Variants in FAR2 observed in about 807,000 individuals in gnomAD.
The protein encoded by FAR2 is epididymis secretory protein Li 81.
A neutral mutation model predicts 56.0 loss-of-function variants in FAR2; 19 were observed. The observed-to-expected ratio is 0.34, with a 90% confidence interval of 0.24 to 0.50. The LOEUF (loss-of-function observed/expected upper bound fraction) is 0.50, where lower values mean the gene tolerates loss of function less well. Ranked by LOEUF, FAR2 falls within the 20% of genes least tolerant of loss-of-function variation. The probability of loss-of-function intolerance (pLI) is 0.98; values close to 1 mark genes in which losing one functional copy is unlikely to be tolerated. For missense variants in FAR2, 508 were observed against 642.2 expected (o/e 0.79, Z 2.26); for synonymous variants, 219 against 218.8 (o/e 1.00, Z -0.01).
chr12:29,199,599 C>CAAAAAAAA, intron 1 of FAR2, among the ~76,000 whole-genome samples: 1 of 106,256 alleles, frequency 9.4e-6, no homozygotes, highest in African/African-American at 3.6e-5. Context: ...GACCCCGTCT[C>CAAAAAAAA]AAAAAAAAAA....
rs530308429 is a variant in FAR2 at position 29,312,043 on chromosome 12, G to A, written c.955+93G>A. On this transcript the variant is annotated intron_variant, in intron 8 of 11. Coordinates refer to ENST00000536681, the MANE Select transcript of FAR2 (RefSeq NM_001271783.2). ...TGTCATGGAGCTTAGAGCTTATATG[G>A]GGAGAAAGACAAAAAGTAAGTAAAG... The A allele has an allele frequency of 5.9e-5, 50 of 851,778 alleles. No individual in the cohort carries two copies. In the African/African-American group the frequency reaches 8.2e-4, roughly 14 times the overall value. The allele number at this position is 851,778 out of a possible 1,614,324, so 52.8% of individuals were successfully genotyped here.
chr12:29,323,291 C>T (rs1002764075), intron 10 of FAR2, among the ~76,000 whole-genome samples: 5 of 152,332 alleles, frequency 3.3e-5, no homozygotes, highest in East Asian at 3.9e-4. Context: ...CAAGGAGGCC[C>T]GCCTGCCTCT....
At chr12:29,261,058 T>C (rs1948409866) in intron 1 of FAR2, among the ~76,000 whole-genome samples, 1 of 152,188 alleles carries the variant, frequency 6.6e-6, no homozygotes, top group Non-Finnish European at 1.5e-5. Flanking sequence ...AAACTGCAAC[T>C]ATTACAATAA....
At chr12:29,159,821 G>C (rs2136576631) in intron 1 of FAR2, among the ~76,000 whole-genome samples, 1 of 152,288 alleles carries the variant, frequency 6.6e-6, no homozygotes, top group South Asian at 2.1e-4. Flanking sequence ...TCCTTGTGGG[G>C]AAAGTGAGAG....
chr12:29,327,831 G>T (rs904548502), intron 10 of FAR2, among the ~76,000 whole-genome samples: 1 of 152,096 alleles, frequency 6.6e-6, no homozygotes, highest in Non-Finnish European at 1.5e-5. Flanking sequence ...TACCATTCAG[G>T]ACACAGGCAT....
chr12:29,268,380 A>G (rs145669473), intron 1 of FAR2, among the ~76,000 whole-genome samples: 179 of 152,332 alleles, frequency 1.2e-3, no homozygotes, highest in African/African-American at 4.2e-3. Flanking sequence ...CCAATCAATT[A>G]TCTCCAACCA....
chr12:29,329,961 T>A (rs1949706506), intron 10 of FAR2, among the ~76,000 whole-genome samples: 1 of 152,032 alleles, frequency 6.6e-6, no homozygotes, highest in East Asian at 1.9e-4. Flanking sequence ...AGCTTTCTGG[T>A]AGTAAAGTGA....
chr12:29,266,566 G>A (rs1210745497), intron 1 of FAR2, among the ~76,000 whole-genome samples: 2 of 151,952 alleles, frequency 1.3e-5, no homozygotes, highest in Non-Finnish European at 2.9e-5. Context: ...AGAATGAATA[G>A]GATCTAGTAT....
intron 9 of FAR2, among the ~76,000 whole-genome samples, chr12:29,318,256 ACT>A (rs1949489017): frequency 6.6e-6 from 1 of 152,226 alleles, no homozygotes; most frequent in Admixed American, 6.5e-5. Context: ...GGAGCTCATA[ACT>A]CAGTTCTTGA....
chr12:29,271,663 C>A (rs1208228331), intron 2 of FAR2, among the ~76,000 whole-genome samples: 4 of 152,190 alleles, frequency 2.6e-5, no homozygotes, highest in Non-Finnish European at 5.9e-5. Flanking sequence ...GATTTTGTTA[C>A]AAACCATCAT....
At position 29,181,500 on chromosome 12, in the gene FAR2, C is replaced by T. The variant is rs559793776; in HGVS notation, c.-39+32093C>T. On this transcript the variant is annotated intron_variant, in intron 1 of 11. Transcript: ENST00000536681. ...GGTCAGCTTGTGTTTTCACTGCTTC[C>T]GGAAACTTTCAGTGCCTCTCCTCCA... 4.6e-5 allele frequency among the ~76,000 whole-genome samples: 7 copies of T among 152,308 alleles called. No homozygotes were observed. In the South Asian group the frequency reaches 6.2e-4, roughly 14 times the overall value.
At chr12:29,190,574 C>T (rs1346604199) in intron 1 of FAR2, among the ~76,000 whole-genome samples, 1 of 152,148 alleles carries the variant, frequency 6.6e-6, no homozygotes, top group African/African-American at 2.4e-5. Flanking sequence ...GAGGGATTCT[C>T]CTGCCTCAGC....
intron 11 of FAR2, 83 bp from the exon 12 acceptor site, chr12:29,333,549 C>T (rs903494848): frequency 3.5e-5 from 45 of 1,299,676 alleles, no homozygotes; most frequent in Non-Finnish European, 4.2e-5. Flanking sequence ...CCAGTCATAT[C>T]CAGGAAAACA....
chr12:29,173,048 A>G lies in FAR2; in HGVS notation c.-39+23641A>G, dbSNP rs1442990491. On this transcript the variant is annotated intron_variant, in intron 1 of 11. Transcript: ENST00000536681. ...CAGCTAAAGCTGCATTCTTTTAACT[A>G]AAGGCCAGGTTTTGATCTAACAGTA... is the stretch of plus-strand genomic sequence containing the variant. Among the ~76,000 whole-genome samples, 78 of 152,276 alleles carry G rather than the reference A, an allele frequency of 5.1e-4. 1 individual carries two copies. The highest frequency in any genetic ancestry group is 4.4e-5 in the Non-Finnish European group (3 of 68,004).
At chr12:29,283,980 A>C (rs1948828591) in intron 2 of FAR2, among the ~76,000 whole-genome samples, 1 of 152,246 alleles carries the variant, frequency 6.6e-6, no homozygotes, top group African/African-American at 2.4e-5. Flanking sequence ...AAGTTCAAAG[A>C]AATGTTGAAA....
chr12:29,160,132 C>T lies in FAR2; in HGVS notation c.-39+10725C>T, dbSNP rs528771629. Among the ~76,000 whole-genome samples, 6 of 152,302 alleles carry T rather than the reference C, an allele frequency of 3.9e-5. No homozygotes were observed. In the South Asian group the frequency reaches 1.2e-3, roughly 32 times the overall value. On this transcript the variant is annotated intron_variant, in intron 1 of 11. Coordinates refer to ENST00000536681, the MANE Select transcript of FAR2 (RefSeq NM_001271783.2). ...CCAGAACAACATGGGGTAATGACTG[C>T]TTTAGGAGCCATTAAGTGGGCCATT...
intron 1 of FAR2, among the ~76,000 whole-genome samples, chr12:29,177,450 A>G (rs571131592): frequency 5.3e-5 from 8 of 152,256 alleles, no homozygotes; most frequent in Non-Finnish European, 1.2e-4. Context: ...TGTGGATAGA[A>G]GAATGATGTC....
At chr12:29,298,123 C>T (rs1269773529) in intron 4 of FAR2, among the ~76,000 whole-genome samples, 1 of 151,376 alleles carries the variant, frequency 6.6e-6, no homozygotes, top group Non-Finnish European at 1.5e-5. Context: ...ACTTATTTGG[C>T]TGAGACACAC....
intron 1 of FAR2, chr12:29,151,911 A>G (rs971016128): frequency 2.0e-5 from 3 of 152,240 alleles, no homozygotes; most frequent in Non-Finnish European, 4.4e-5. Flanking sequence ...TCTAAAAAAT[A>G]TGCTGTTGTT....
Sources: allele counts gnomAD v4.1 joint callset (sites outside exome capture counted in the v4.1 genomes callset), GRCh38; gene constraint gnomAD v4.1.1; transcripts MANE v1.5; gene names NCBI Gene and HGNC (gene_info 2026-07-23, HGNC 2026-07-21).